CELF2: variants seen among roughly 807,000 people sequenced by gnomAD.
CELF2 encodes CUG triplet repeat RNA-binding protein 2.
A neutral mutation model predicts 62.6 loss-of-function variants in CELF2; 8 were observed. The ratio of observed to expected loss-of-function variants is 0.13; its 90% CI spans 0.07 to 0.23. The LOEUF is 0.23. Ranked by LOEUF, CELF2 falls within the 10% of genes least tolerant of loss-of-function variation. CELF2 has a pLI of 1.00. For synonymous variants in CELF2, 258 were observed against 250.0 expected (o/e 1.03, Z -0.30); for missense variants, 333 against 671.0 (o/e 0.50, Z 5.56).
rs903811657 is a variant in CELF2 at position 11,285,017 on chromosome 10, G to A, written c.842-3401G>A. Among the ~76,000 whole-genome samples the A allele has an allele frequency of 4.0e-5, 6 of 151,030 alleles. No homozygotes were observed. Among genetic ancestry groups the A allele is most frequent in the African/African-American group, 1.5e-4 (6 of 40,972 alleles). On this transcript the variant is annotated intron_variant, in intron 8 of 12. Transcript: ENST00000633077. This position sits in a 1 kb window ranked among gnomAD's most constrained non-coding sequence, Gnocchi z 4.3. ...ATGTGTGGATGACGGATGGGTGGGA[G>A]GATAGTGGATCTGTGGATGGATAAT...
the CELF2 span, among the ~76,000 whole-genome samples, chr10:10,759,992 G>A: frequency 1.9e-3 from 288 of 152,078 alleles, 2 homozygotes; most frequent in South Asian, 0.013. Flanking sequence ...TTCAACCTCC[G>A]CCTTCCAGTT....
intron 2 of CELF2, among the ~76,000 whole-genome samples, chr10:11,205,902 T>A (rs1281252250): frequency 6.6e-6 from 1 of 152,192 alleles, no homozygotes; most frequent in Non-Finnish European, 1.5e-5. Flanking sequence ...CTACAATAAG[T>A]ACAAATGTTT....
chr10:10,747,799 A>G, the CELF2 span, among the ~76,000 whole-genome samples: 1 of 152,150 alleles, frequency 6.6e-6, no homozygotes, highest in Admixed American at 6.5e-5. Flanking sequence ...CTCCGCTTCC[A>G]GGGTTCATGC....
the CELF2 span, among the ~76,000 whole-genome samples, chr10:10,572,823 G>A: frequency 1.3e-5 from 2 of 152,100 alleles, no homozygotes; most frequent in Non-Finnish European, 2.9e-5. Context: ...ATGAACATAC[G>A]TGTACATGTA....
At chr10:10,915,002 T>C (rs11256907) in intron 1 of CELF2, among the ~76,000 whole-genome samples, 12,419 of 151,884 alleles carry the variant, frequency 0.082, 1,092 homozygotes, top group African/African-American at 0.22. Flanking sequence ...TGTGGTGGCA[T>C]GTGCCTGTAA....
At chr10:10,567,452 T>G in the CELF2 span, among the ~76,000 whole-genome samples, 1 of 152,014 alleles carries the variant, frequency 6.6e-6, no homozygotes, top group Admixed American at 6.6e-5. Flanking sequence ...TTGGAATCAA[T>G]ACCCAAGGGA....
chr10:10,841,345 C>CAAA (rs34172827), intron 1 of CELF2, among the ~76,000 whole-genome samples: 18 of 145,974 alleles, frequency 1.2e-4, no homozygotes, highest in South Asian at 1.1e-3. Context: ...GATATAGTAT[C>CAAA]AAAAAAAAAA....
the CELF2 span, among the ~76,000 whole-genome samples, chr10:10,716,367 C>G: frequency 1.3e-5 from 2 of 152,138 alleles, no homozygotes; most frequent in Non-Finnish European, 2.9e-5. Flanking sequence ...ATGGCGAAAC[C>G]CCGCCTCTAC....
At chr10:11,154,867 C>T (rs1363152244) in intron 1 of CELF2, among the ~76,000 whole-genome samples, 1 of 152,084 alleles carries the variant, frequency 6.6e-6, no homozygotes, top group African/African-American at 2.4e-5. Flanking sequence ...TTATTTCTCC[C>T]GGACAAGATG....
chr10:10,520,222 T>C, the CELF2 span, among the ~76,000 whole-genome samples: 3 of 152,200 alleles, frequency 2.0e-5, no homozygotes, highest in African/African-American at 7.2e-5. Context: ...TAAATTTTTA[T>C]GGATGCAAGA....
chr10:10,808,579 C>T (rs772951399), intron 1 of CELF2, among the ~76,000 whole-genome samples: 2 of 152,020 alleles, frequency 1.3e-5, no homozygotes, highest in African/African-American at 2.4e-5. Context: ...CAGGTCACTG[C>T]GAAACAATCC....
the CELF2 span, among the ~76,000 whole-genome samples, chr10:10,525,827 T>C: frequency 6.6e-6 from 1 of 152,262 alleles, no homozygotes; most frequent in Non-Finnish European, 1.5e-5. Flanking sequence ...TGCATTTTCT[T>C]TGGATATATA....
Position 11,154,148 on chromosome 10 carries a change from C to T in CELF2, c.75-11338C>T, listed in dbSNP as rs574619750. On this transcript the variant is annotated intron_variant, in intron 1 of 12. Coordinates refer to ENST00000633077, the MANE Select transcript of CELF2 (RefSeq NM_001326342.2). Reference sequence around the variant, plus strand: ...AATGATATTCAGCTTCTTAGTATAACAGCCATTATAATTTAGCACATAATT... The same window carrying T: ...AATGATATTCAGCTTCTTAGTATAATAGCCATTATAATTTAGCACATAATT... 1.1e-4 allele frequency among the ~76,000 whole-genome samples: 16 copies of T among 152,294 alleles called. 1 individual carries two copies. The highest frequency in any genetic ancestry group is 3.6e-4 in the African/African-American group (15 of 41,568).
At chr10:10,951,276 T>C (rs1308265413) in intron 2 of CELF2, among the ~76,000 whole-genome samples, 1 of 152,110 alleles carries the variant, frequency 6.6e-6, no homozygotes, top group East Asian at 1.9e-4. Flanking sequence ...TCTGAGTAGC[T>C]GGGACCACAG....
At chr10:10,664,208 A>G in the CELF2 span, among the ~76,000 whole-genome samples, 1 of 152,192 alleles carries the variant, frequency 6.6e-6, no homozygotes, top group African/African-American at 2.4e-5. Context: ...CAATATAATA[A>G]TGGTTATAAC....
chr10:10,515,958 C>T, the CELF2 span, among the ~76,000 whole-genome samples: 1 of 152,138 alleles, frequency 6.6e-6, no homozygotes, highest in Non-Finnish European at 1.5e-5. Flanking sequence ...TTAAAATCCA[C>T]CAATCTTAGA....
In CELF2 at chr10:11,290,343, C is replaced by T. The variant is rs535346538; in HGVS notation, c.976+1791C>T. Among the ~76,000 whole-genome samples, 2 of 152,074 alleles carry T rather than the reference C, an allele frequency of 1.3e-5. No individual in the cohort carries two copies. The highest frequency in any genetic ancestry group is 1.9e-4 in the East Asian group (1 of 5,166). On this transcript the variant is annotated intron_variant, in intron 9 of 12. Transcript: ENST00000633077. This position sits in a 1 kb window ranked among gnomAD's most constrained non-coding sequence, Gnocchi z 4.3. ...GAGTTCCGTGACGGAAGCCATGGCGCGTGTTGAGGCAGAGGACAGAGCCAG... is the reference window on the plus strand; with the variant it reads ...GAGTTCCGTGACGGAAGCCATGGCGTGTGTTGAGGCAGAGGACAGAGCCAG...
the CELF2 span, among the ~76,000 whole-genome samples, chr10:10,546,793 T>A: frequency 6.6e-6 from 1 of 152,228 alleles, no homozygotes; most frequent in East Asian, 1.9e-4. Flanking sequence ...TTTTTCTTTT[T>A]TTCCTGAATG....
upstream of CELF2, among the ~76,000 whole-genome samples, chr10:11,014,805 G>C (rs1317366912): frequency 2.0e-5 from 3 of 152,164 alleles, no homozygotes; most frequent in African/African-American, 7.2e-5. Flanking sequence ...TCCAATTCTT[G>C]AATTGCCTTT....
Sources: gnomAD v4.1 joint callset for allele counts (sites outside exome capture counted in the v4.1 genomes callset) on GRCh38, gnomAD v4.1.1 for gene constraint, Gnocchi (gnomAD v3.1) non-coding constraint, MANE v1.5 for transcripts, NCBI Gene and HGNC (gene_info 2026-07-23, HGNC 2026-07-21) for gene names.